ARMC3: variants seen among roughly 807,000 people sequenced by gnomAD.
ARMC3 encodes the protein armadillo repeat containing 3.
Under a neutral mutation model 90.3 loss-of-function variants are expected in ARMC3, and 74 were observed. The observed-to-expected ratio is 0.82, with a 90% CI of 0.68 to 0.99. The LOEUF is 0.99. Ranked by LOEUF, ARMC3 falls within the 50% of genes least tolerant of loss-of-function variation. The pLI is 0.00. For missense variants in ARMC3, 958 were observed against 1,042.8 expected, an observed-to-expected ratio of 0.92 and a Z score of 1.12; for synonymous variants, 334 against 361.8, an observed-to-expected ratio of 0.92 and a Z score of 0.87.
At chr10:22,940,362 TA>T (rs1834279643) in intron 2 of ARMC3, among the ~76,000 whole-genome samples, 1 of 152,218 alleles carries the variant, frequency 6.6e-6, no homozygotes, top group South Asian at 2.1e-4. Flanking sequence ...TGCTGAAAAC[TA>T]TAAAACATTT....
At chr10:22,966,569 A>C (rs961459043) in intron 7 of ARMC3, among the ~76,000 whole-genome samples, 1 of 152,224 alleles carries the variant, frequency 6.6e-6, no homozygotes, top group African/African-American at 2.4e-5. Context: ...AACAGGATGC[A>C]TGTATATTGT....
rs1490525261 is a variant in ARMC3 at position 23,038,338 on chromosome 10, G to T, written c.*859G>T. 3 of 152,142 alleles carry T rather than the reference G, an allele frequency of 2.0e-5. No homozygotes were observed. The highest frequency in any genetic ancestry group is 4.4e-5 in the Non-Finnish European group (3 of 68,030). The allele number at this position is 152,142 out of a possible 1,614,324, so 9.4% of individuals were successfully genotyped here. A position where few individuals can be genotyped will look rare whatever the true frequency, so the allele number is the denominator to read the frequency against. On this transcript the variant is annotated 3_prime_UTR_variant, in exon 19 of 19. Coordinates refer to ENST00000298032, the MANE Select transcript of ARMC3 (RefSeq NM_173081.5). ...TGATAAGACAAAAACTACTAATGTG[G>T]TTAATCTCGTGAAGTACATATTGCC...
At chr10:23,004,428 A>G (rs922707839) in intron 13 of ARMC3, among the ~76,000 whole-genome samples, 4 of 152,146 alleles carry the variant, frequency 2.6e-5, no homozygotes, top group African/African-American at 9.7e-5. Flanking sequence ...AGGAAGAAAA[A>G]GGAAAAGGAA....
intron 8 of ARMC3, 81 bp from the exon 9 acceptor site, chr10:22,981,259 T>C (rs868819529): frequency 4.6e-6 from 6 of 1,300,434 alleles, no homozygotes; most frequent in Middle Eastern, 2.6e-4. Context: ...GAATTCCTAT[T>C]AGACTTTGGA....
chr10:22,970,134 G>A (rs1835620405), intron 8 of ARMC3, among the ~76,000 whole-genome samples: 1 of 152,178 alleles, frequency 6.6e-6, no homozygotes, highest in Admixed American at 6.5e-5. Flanking sequence ...GGAAACACAG[G>A]ATCACCCAGG....
intron 2 of ARMC3, among the ~76,000 whole-genome samples, chr10:22,936,597 G>A (rs920099230): frequency 6.6e-6 from 1 of 152,012 alleles, no homozygotes; most frequent in African/African-American, 2.4e-5. Context: ...TTTGCACAGA[G>A]CATGAAATTA....
chr10:22,955,970 T>C, intron 4 of ARMC3, 38 bp downstream of exon 4: 4 of 1,501,376 alleles, frequency 2.7e-6, no homozygotes, highest in Non-Finnish European at 3.6e-6. Flanking sequence ...AATAATCCCA[T>C]GTTAATGCAT....
intron 8 of ARMC3, among the ~76,000 whole-genome samples, chr10:22,976,252 T>C (rs1835917296): frequency 6.6e-6 from 1 of 152,216 alleles, no homozygotes; most frequent in Admixed American, 6.5e-5. Context: ...CCTTTTCTTA[T>C]CAACCTCTTT....
chr10:22,930,803 G>A (rs1292166075), intron 1 of ARMC3, among the ~76,000 whole-genome samples: 2 of 152,134 alleles, frequency 1.3e-5, no homozygotes, highest in African/African-American at 2.4e-5. Context: ...ATGATATACC[G>A]TTTAAGATTG....
rs529006111 is a variant in ARMC3, at chr10:22,993,203, A to T, written c.1176-4945A>T. On this transcript the variant is annotated intron_variant, in intron 10 of 18. Coordinates refer to ENST00000298032, the MANE Select transcript of ARMC3 (RefSeq NM_173081.5). The stretch of plus-strand genomic sequence containing the variant: ...GGGTTGAATGTGAACCTCAAATTGA[A>T]GCAAGGATTCAACTCTGAAAGGTAC... Among the ~76,000 whole-genome samples the T allele has an allele frequency of 3.5e-4, 53 of 152,366 alleles. 1 individual carries two copies. The South Asian group carries it at 3.5e-3, about 10-fold the overall frequency.
chr10:22,955,821 A>G lies in ARMC3; in HGVS notation c.181A>G (p.Thr61Ala). Residue 61 changes from threonine to alanine, a missense_variant, in exon 4 of 19, where the codon ACA (threonine) becomes GCA (alanine). Transcript: ENST00000298032. Reference sequence around the variant, plus strand: ...TGTGATGTCAGGTGAGGAAAATAAAACAACCCTCCTTGAACTTGGAGCTGT... The same window carrying G: ...TGTGATGTCAGGTGAGGAAAATAAAGCAACCCTCCTTGAACTTGGAGCTGT... ...KFALKGEENKTTLLELGAVEP... is the reference protein window; with the variant it reads ...KFALKGEENKATLLELGAVEP... The G allele has an allele frequency of 6.2e-7, 1 of 1,613,892 alleles. No individual in the cohort carries two copies. The highest frequency in any genetic ancestry group is 8.5e-7 in the Non-Finnish European group (1 of 1,179,876).
intron 7 of ARMC3, 96 bp from the exon 8 acceptor site, chr10:22,968,210 T>G: frequency 8.8e-7 from 1 of 1,133,050 alleles, no homozygotes; most frequent in Non-Finnish European, 1.3e-6. Context: ...AATCATGACA[T>G]TGTGTTCTGA....
chr10:22,965,637 T>C (rs970719687), intron 7 of ARMC3, among the ~76,000 whole-genome samples: 1 of 152,132 alleles, frequency 6.6e-6, no homozygotes. Flanking sequence ...ATTCCTTCTC[T>C]CCCTCCGGAA....
chr10:22,998,031 A>G, intron 10 of ARMC3, 117 bp from the exon 11 acceptor site: 1 of 1,256,452 alleles, frequency 8.0e-7, no homozygotes, highest in Non-Finnish European at 1.1e-6. Flanking sequence ...ATGGCAAATT[A>G]ATTTATTTCT....
At chr10:23,033,148 T>C (rs1443871941) in intron 18 of ARMC3, 125 bp downstream of exon 18, 9 of 917,702 alleles carry the variant, frequency 9.8e-6, no homozygotes, top group Admixed American at 2.8e-5. Context: ...TTTATTTATA[T>C]CTACATATAA....
intron 7 of ARMC3, 114 bp from the exon 8 acceptor site, chr10:22,968,192 A>C (rs999318458): frequency 6.1e-5 from 59 of 965,104 alleles, no homozygotes; most frequent in Non-Finnish European, 7.4e-5. Context: ...GGCCTCTGTC[A>C]CAACAAAAAT....
chr10:22,979,225 T>C (rs1836078823), intron 8 of ARMC3, among the ~76,000 whole-genome samples: 2 of 152,242 alleles, frequency 1.3e-5, no homozygotes, highest in African/African-American at 4.8e-5. Context: ...TAAAGGACAT[T>C]ATGCTATTAG....
intron 16 of ARMC3, among the ~76,000 whole-genome samples, chr10:23,025,643 A>G (rs189037988): frequency 6.6e-6 from 1 of 152,220 alleles, no homozygotes; most frequent in East Asian, 1.9e-4. Flanking sequence ...TTAGAAACAA[A>G]AAGAGGTCTC....
At chr10:22,946,939 C>G (rs1028054822) in intron 3 of ARMC3, among the ~76,000 whole-genome samples, 1 of 152,144 alleles carries the variant, frequency 6.6e-6, no homozygotes, top group African/African-American at 2.4e-5. Context: ...GTGGGTGGAT[C>G]ACTTGAGCCC....
Sources: allele counts gnomAD v4.1 joint callset (sites outside exome capture counted in the v4.1 genomes callset), GRCh38; gene constraint gnomAD v4.1.1; transcripts MANE v1.5; gene names NCBI Gene and HGNC (gene_info 2026-07-23, HGNC 2026-07-21).